Variants in MAX observed in about 807,000 individuals in gnomAD.
MAX encodes the protein protein max.
MAX carries 3 observed loss-of-function variants against 22.3 expected under a neutral mutation model. That is an observed-to-expected ratio of 0.13 (90% CI 0.06 to 0.35). The LOEUF (loss-of-function observed/expected upper bound fraction) is 0.35. Among genes scored for constraint, MAX ranks in the 10% least tolerant of loss-of-function variants. MAX has a pLI of 1.00. For missense variants in MAX, 119 were observed against 209.4 expected (o/e 0.57, Z 2.66); for synonymous variants, 72 against 77.7 (o/e 0.93, Z 0.39).
In MAX at chr14:65,044,583, C is replaced by T. The variant is rs2062433110; in HGVS notation, c.172-38299G>A. ...ATTTTGAGTGCCCAGTGTGGAACCT[C>T]ATGCCGTGGGGCATGCGAATGCAGA... On this transcript the variant is annotated intron_variant, in intron 3 of 3. Coordinates refer to the MAX transcript ENST00000341653. This position sits in a 1 kb window ranked among gnomAD's most constrained non-coding sequence, Gnocchi z 5.5. The T allele has an allele frequency of 6.3e-6, 8 of 1,274,144 alleles. No individual in the cohort carries two copies. The highest frequency in any genetic ancestry group is 6.4e-5 in the Admixed American group (2 of 31,160). 78.9% of individuals were successfully genotyped at this position (1,274,144 alleles called of 1,614,324 possible).
chr14:65,097,761 C>A lies in MAX; in HGVS notation c.63+3785G>T, dbSNP rs552647718. Reference sequence around the variant, plus strand: ...GATAAGAACAAGATAGGATAAAGCTCAATTTCTAAGCAACTTAAAATATTC... The same window carrying A: ...GATAAGAACAAGATAGGATAAAGCTAAATTTCTAAGCAACTTAAAATATTC... On this transcript the variant is annotated intron_variant, in intron 2 of 4. Coordinates refer to ENST00000358664, the MANE Select transcript of MAX (RefSeq NM_002382.5). Among the ~76,000 whole-genome samples the A allele has an allele frequency of 1.1e-4, 17 of 152,272 alleles. No homozygotes were observed. In the South Asian group the frequency reaches 1.2e-3, roughly 11 times the overall value.
Position 65,078,972 on chromosome 14 carries a change from G to A in MAX, c.172-936C>T, listed in dbSNP as rs894365187. ...AAAATCACCAGCTGCACAGTAGCAT[G>A]GCCTGGCTTTAAACTCAGAGCCATC... On this transcript the variant is annotated intron_variant, in intron 3 of 4. Transcript: ENST00000358664. The surrounding 1 kb of genome is among the most constrained non-coding windows in gnomAD (Gnocchi z 6.4). Among the ~76,000 whole-genome samples, 2 of 152,212 alleles carry A rather than the reference G, an allele frequency of 1.3e-5. No homozygotes were observed. Among genetic ancestry groups the A allele is most frequent in the African/African-American group, 2.4e-5 (1 of 41,452 alleles).
Position 65,075,152 on chromosome 14 carries a change from A to C in MAX, c.*1324T>G. The C allele has an allele frequency of 9.8e-7, 1 of 1,025,526 alleles. No individual in the cohort carries two copies. Among genetic ancestry groups the C allele is most frequent in the Non-Finnish European group, 1.2e-6 (1 of 853,946 alleles). The allele number at this position is 1,025,526 out of a possible 1,614,324, so 63.5% of individuals were successfully genotyped here. On this transcript the variant is annotated 3_prime_UTR_variant, in exon 5 of 5. Transcript: ENST00000358664. This position sits in a 1 kb window ranked among gnomAD's most constrained non-coding sequence, Gnocchi z 4.1. ...AAGGATAAAATAAGTTTTTATTTAT[A>C]GTCTTATAGTAAAGGGGGAAGCCTT...
intron 3 of MAX, among the ~76,000 whole-genome samples, chr14:65,086,373 A>C (rs1357121941): frequency 1.3e-5 from 2 of 152,208 alleles, no homozygotes; most frequent in Non-Finnish European, 2.9e-5. Context: ...GCTCAGAAGA[A>C]GACAGAAAAA....
chr14:65,039,494 C>T (rs1008380073), intron 3 of MAX, among the ~76,000 whole-genome samples: 5 of 152,212 alleles, frequency 3.3e-5, no homozygotes, highest in Admixed American at 2.0e-4. Context: ...AACCAACAAA[C>T]TTGGTTCAGA....
At chr14:65,018,629 G>C (rs1022951249) in intron 3 of MAX, among the ~76,000 whole-genome samples, 4 of 151,854 alleles carry the variant, frequency 2.6e-5, no homozygotes, top group Non-Finnish European at 5.9e-5. Flanking sequence ...GGCCAACATG[G>C]GGAAATCTTG....
Position 65,093,954 on chromosome 14 carries a change from A to G in MAX, c.64-139T>C. On this transcript the variant is annotated intron_variant, in intron 2 of 4. Coordinates refer to ENST00000358664, the MANE Select transcript of MAX (RefSeq NM_002382.5). The surrounding 1 kb of genome is among the most constrained non-coding windows in gnomAD (Gnocchi z 4.4). ...CTGGGAAGGATTTCTCGAGGTGGGCAGTTAGGAGTCTCCAGAATTAGGCTC... is the reference window on the plus strand; with the variant it reads ...CTGGGAAGGATTTCTCGAGGTGGGCGGTTAGGAGTCTCCAGAATTAGGCTC... 1 of 709,190 alleles carries G rather than the reference A, an allele frequency of 1.4e-6. No homozygotes were observed. The highest frequency in any genetic ancestry group is 2.6e-6 in the Non-Finnish European group (1 of 384,420). 43.9% of individuals were successfully genotyped at this position (709,190 alleles called of 1,614,324 possible).
chr14:65,070,804 C>T (rs922644631), downstream of MAX, among the ~76,000 whole-genome samples: 1 of 152,232 alleles, frequency 6.6e-6, no homozygotes, highest in African/African-American at 2.4e-5. The surrounding 1 kb of genome is among the most constrained non-coding windows in gnomAD (Gnocchi z 4.4). Flanking sequence ...GCAAGAAACA[C>T]GGGGCAGACA....
chr14:65,016,881 C>T (rs2061783337), intron 3 of MAX, among the ~76,000 whole-genome samples: 2 of 149,844 alleles, frequency 1.3e-5, no homozygotes, highest in Non-Finnish European at 2.9e-5. Context: ...ACAGTTTCTG[C>T]AGTAACAGGA....
chr14:65,083,833 A>G (rs2063255785), intron 3 of MAX: 1 of 1,175,806 alleles, frequency 8.5e-7, no homozygotes, highest in East Asian at 3.8e-5. Flanking sequence ...GCTTTTACAC[A>G]TATGAAGGTA....
intron 3 of MAX, among the ~76,000 whole-genome samples, chr14:65,038,401 C>T (rs2139614759): frequency 6.7e-6 from 1 of 150,368 alleles, no homozygotes; most frequent in Non-Finnish European, 1.5e-5. Flanking sequence ...CAGTGTGAGA[C>T]TCCATCTCAA....
chr14:65,072,271 T>C (rs1357986598), downstream of MAX, among the ~76,000 whole-genome samples: 1 of 152,172 alleles, frequency 6.6e-6, no homozygotes, highest in Non-Finnish European at 1.5e-5. Context: ...TCATTACCCC[T>C]GCTTGGGGCT....
intron 1 of MAX, 66 bp from the exon 2 acceptor site, chr14:65,101,638 A>G (rs571944763): frequency 2.4e-6 from 3 of 1,258,078 alleles, no homozygotes; most frequent in South Asian, 2.6e-5. Context: ...ACATTCAATA[A>G]TAAGAAAGAA....
At chr14:65,026,313 C>T (rs1333551536) in intron 3 of MAX, among the ~76,000 whole-genome samples, 1 of 152,222 alleles carries the variant, frequency 6.6e-6, no homozygotes, top group African/African-American at 2.4e-5. Context: ...TTGATTTCAC[C>T]TAAAGCAAGA....
At chr14:65,052,578 G>A (rs993365083) in intron 3 of MAX, among the ~76,000 whole-genome samples, 2 of 152,202 alleles carry the variant, frequency 1.3e-5, no homozygotes, top group Non-Finnish European at 2.9e-5. Context: ...TGACCATAGT[G>A]ATTGGACTTC....
intron 3 of MAX, chr14:65,053,099 T>C (rs1249976061): frequency 3.7e-6 from 2 of 534,506 alleles, no homozygotes; most frequent in Non-Finnish European, 5.8e-6. Flanking sequence ...ATGGGGAAGA[T>C]AGCAGTTGTA....
chr14:65,097,058 G>A (rs926319352), intron 2 of MAX, among the ~76,000 whole-genome samples: 2 of 152,088 alleles, frequency 1.3e-5, no homozygotes, highest in Admixed American at 1.3e-4. Context: ...AGAAACTCCC[G>A]CACCAAATCA....
rs1354433876 is a variant in MAX at position 65,032,018 on chromosome 14, G to A, written c.172-25734C>T. The stretch of plus-strand genomic sequence containing the variant: ...TGTGTGTGTGTGTGTGTGTGTGTGT[G>A]TACTGGTGAGAGGTTTGAAATCAAG... On this transcript the variant is annotated intron_variant, in intron 3 of 3. Transcript: ENST00000341653. This position sits in a 1 kb window ranked among gnomAD's most constrained non-coding sequence, Gnocchi z 5.0. 2.0e-5 allele frequency among the ~76,000 whole-genome samples: 3 copies of A among 149,790 alleles called. No individual in the cohort carries two copies. The highest frequency in any genetic ancestry group is 4.2e-4 in the South Asian group (2 of 4,756).
rs1014181740 is a variant in MAX, at chr14:65,028,037, C to T, written c.172-21753G>A. 1.3e-5 allele frequency among the ~76,000 whole-genome samples: 2 copies of T among 152,148 alleles called. No homozygotes were observed. Among genetic ancestry groups the T allele is most frequent in the South Asian group, 2.1e-4 (1 of 4,826 alleles). On this transcript the variant is annotated intron_variant, in intron 3 of 3. Coordinates refer to the MAX transcript ENST00000341653. The surrounding 1 kb of genome is among the most constrained non-coding windows in gnomAD (Gnocchi z 4.4). ...GCTTTTGTTTTAGAAATTAAAAATA[C>T]ATTTGTTTGGTACAAAATGATATAC...
Sources: allele counts gnomAD v4.1 joint callset (sites outside exome capture counted in the v4.1 genomes callset), GRCh38; gene constraint gnomAD v4.1.1; non-coding constraint Gnocchi (gnomAD v3.1); transcripts MANE v1.5; gene names NCBI Gene and HGNC (gene_info 2026-07-23, HGNC 2026-07-21).